The following CYRIB variants were observed in gnomAD, a reference collection of about 807,000 sequenced individuals.
The protein encoded by CYRIB is CYFIP-related Rac1 interactor B.
CYRIB carries 8 observed loss-of-function variants against 44.2 expected under a neutral mutation model. That is an observed-to-expected ratio of 0.18 (90% CI 0.11 to 0.33). The LOEUF (loss-of-function observed/expected upper bound fraction) is 0.33, where lower values mean the gene tolerates loss of function less well. Ranked by LOEUF, CYRIB falls within the 10% of genes least tolerant of loss-of-function variation. The probability of loss-of-function intolerance (pLI) is 1.00; values close to 1 mark genes in which losing one functional copy is unlikely to be tolerated. For synonymous variants in CYRIB, 131 were observed against 127.2 expected, an observed-to-expected ratio of 1.03 and a Z score of -0.20; for missense variants, 185 against 382.8, an observed-to-expected ratio of 0.48 and a Z score of 4.31.
intron 5 of CYRIB, 132 bp from the exon 8 acceptor site, chr8:129,855,879 T>C (rs1177097946): frequency 1.3e-6 from 1 of 778,178 alleles, no homozygotes; most frequent in Non-Finnish European, 2.0e-6. Flanking sequence ...CTAAACATAA[T>C]AAAACTAATT....
chr8:129,977,084 C>T (rs1257539196), intron 1 of CYRIB, among the ~76,000 whole-genome samples: 1 of 152,158 alleles, frequency 6.6e-6, no homozygotes, highest in Non-Finnish European at 1.5e-5. Flanking sequence ...TCAAGTGATC[C>T]ACCCACCTCG....
Position 129,914,073 on chromosome 8 carries a change from A to C in CYRIB, c.-49-10723T>G, listed in dbSNP as rs560321138. On this transcript the variant is annotated intron_variant, in intron 1 of 11. Coordinates refer to ENST00000519824, the Ensembl canonical transcript of CYRIB. ...ACTAGTCACTGCATACCTGTTATTC[A>C]CTAAATGTACAGGCTGCAGAGCAGT... is the stretch of plus-strand genomic sequence containing the variant. Among the ~76,000 whole-genome samples, 10 of 152,298 alleles carry C rather than the reference A, an allele frequency of 6.6e-5. No homozygotes were observed. In the South Asian group the frequency reaches 1.7e-3, roughly 25 times the overall value.
At chr8:129,862,488 T>A (rs1235617795) in intron 4 of CYRIB, among the ~76,000 whole-genome samples, 154 bp from the exon 7 acceptor site, 1 of 152,098 alleles carries the variant, frequency 6.6e-6, no homozygotes, top group Non-Finnish European at 1.5e-5. Context: ...TTTTTTTTTT[T>A]GAGAGAGCGT....
chr8:129,957,607 G>A lies in CYRIB; in HGVS notation c.-243+13336C>T, dbSNP rs543201262. Among the ~76,000 whole-genome samples, 4 of 152,214 alleles carry A rather than the reference G, an allele frequency of 2.6e-5. No homozygotes were observed. In the South Asian group the frequency reaches 8.3e-4, roughly 32 times the overall value. On this transcript the variant is annotated intron_variant, in intron 2 of 14. Transcript: ENST00000401979. Reference sequence around the variant, plus strand: ...GCACTTTGGGAGGTGGAGGTGGGCGGATTACTTGAAGTCAGGTGTTCCAGA... The same window carrying A: ...GCACTTTGGGAGGTGGAGGTGGGCGAATTACTTGAAGTCAGGTGTTCCAGA...
At chr8:129,989,301 T>C (rs2096562866) in intron 1 of CYRIB, among the ~76,000 whole-genome samples, 1 of 152,160 alleles carries the variant, frequency 6.6e-6, no homozygotes, top group African/African-American at 2.4e-5. Context: ...CCGGTAAATA[T>C]GGCCAACACC....
At chr8:129,974,150 T>G (rs1490663047) in intron 1 of CYRIB, among the ~76,000 whole-genome samples, 1 of 152,186 alleles carries the variant, frequency 6.6e-6, no homozygotes, top group Non-Finnish European at 1.5e-5. Flanking sequence ...CACAGCACTC[T>G]GTAGGAGACT....
At chr8:129,899,616 GA>G (rs1210027871) in intron 2 of CYRIB, among the ~76,000 whole-genome samples, 2 of 152,110 alleles carry the variant, frequency 1.3e-5, no homozygotes, top group Non-Finnish European at 2.9e-5. Flanking sequence ...GGATCACAAA[GA>G]AAAGATGTTT....
intron 9 of CYRIB, 51 bp downstream of exon 11, chr8:129,850,784 T>C (rs1483746554): frequency 4.9e-6 from 6 of 1,233,586 alleles, no homozygotes; most frequent in Non-Finnish European, 7.1e-6. Context: ...TTTTGAAATA[T>C]CAGTCATCTC....
At position 129,883,112 on chromosome 8, in the gene CYRIB, C is replaced by CAAAAAAAAAAAAAA. The variant is rs34764499; in HGVS notation, c.-10-3655_-10-3642dup. ...TAGGCAACAGAGCTAGACTCCCTCT[C>CAAAAAAAAAAAAAA]AAAAAAAAAAAAAAAAAAAAAAAAA... On this transcript the variant is annotated intron_variant, in intron 2 of 11. Transcript: ENST00000519824. 9.9e-4 allele frequency among the ~76,000 whole-genome samples: 41 copies of CAAAAAAAAAAAAAA among 41,252 alleles called. 2 individuals are homozygous for CAAAAAAAAAAAAAA. Among genetic ancestry groups the CAAAAAAAAAAAAAA allele is most frequent in the African/African-American group, 3.0e-3 (31 of 10,352 alleles). 27.1% of individuals were successfully genotyped at this position (41,252 alleles called of 152,430 possible).
In CYRIB at chr8:129,957,914, G is replaced by A. The variant is rs189491860; in HGVS notation, c.-243+13029C>T. ...TGGGAGGCAGAGCTTGCAGTGAGCC[G>A]AGATCGCGCCACTGCACTCCAGCCT... On this transcript the variant is annotated intron_variant, in intron 2 of 14. Transcript: ENST00000401979. 2.8e-3 allele frequency among the ~76,000 whole-genome samples: 419 copies of A among 148,052 alleles called. 4 individuals carry two copies. The highest frequency in any genetic ancestry group is 0.01 in the African/African-American group (401 of 39,902).
intron 1 of CYRIB, among the ~76,000 whole-genome samples, chr8:130,013,599 C>T (rs2097275510): frequency 6.6e-6 from 1 of 152,190 alleles, no homozygotes; most frequent in African/African-American, 2.4e-5. Context: ...TCCCAGACCG[C>T]CAAAGCCACA....
intron 1 of CYRIB, among the ~76,000 whole-genome samples, chr8:129,923,239 T>TATCTCAAAAAAAAGAAGAAG (rs140530379): frequency 6.6e-6 from 1 of 150,536 alleles, no homozygotes; most frequent in Non-Finnish European, 1.5e-5. Context: ...GCAAAACTCT[T>TATCTCAAAAAAAAGAAGAAG]AAAAAGAAAA....
At chr8:129,894,239 C>T (rs919248848) in intron 2 of CYRIB, among the ~76,000 whole-genome samples, 9 of 152,196 alleles carry the variant, frequency 5.9e-5, no homozygotes, top group Non-Finnish European at 1.2e-4. Context: ...TGCTAAATTG[C>T]TCTCCCAAGT....
At chr8:129,865,609 TTC>T (rs1168279261) in intron 4 of CYRIB, among the ~76,000 whole-genome samples, 2 of 152,240 alleles carry the variant, frequency 1.3e-5, no homozygotes, top group Non-Finnish European at 2.9e-5. Context: ...CAAGAGGCTT[TTC>T]TTAGGAATGA....
intron 4 of CYRIB, among the ~76,000 whole-genome samples, chr8:129,868,312 T>C (rs1019749580): frequency 6.6e-6 from 1 of 152,238 alleles, no homozygotes; most frequent in African/African-American, 2.4e-5. Context: ...TAGATTTAAA[T>C]GCAGCTTTTC....
intron 8 of CYRIB, 21 bp from the exon 11 acceptor site, chr8:129,850,935 CA>C (rs1587107314): frequency 8.8e-6 from 13 of 1,473,522 alleles, no homozygotes; most frequent in East Asian, 4.5e-5. Context: ...ATATGAAGAA[CA>C]AAAAAAGTAA....
At chr8:129,950,200 G>A (rs1223591842) in intron 2 of CYRIB, among the ~76,000 whole-genome samples, 2 of 152,130 alleles carry the variant, frequency 1.3e-5, no homozygotes, top group Non-Finnish European at 2.9e-5. Context: ...GCAAAGTTGT[G>A]TATGATAGAA....
chr8:130,003,902 T>C (rs752156439), intron 1 of CYRIB, among the ~76,000 whole-genome samples: 3 of 152,178 alleles, frequency 2.0e-5, no homozygotes, highest in Non-Finnish European at 4.4e-5. Flanking sequence ...CCCTTTCAGA[T>C]CAACTCCTGG....
chr8:130,000,279 C>T (rs534487359), intron 1 of CYRIB, among the ~76,000 whole-genome samples: 1 of 152,260 alleles, frequency 6.6e-6, no homozygotes, highest in Admixed American at 6.5e-5. Flanking sequence ...TTTTTCTGGA[C>T]ATTCAATAAA....
Sources: gnomAD v4.1 joint callset for allele counts (sites outside exome capture counted in the v4.1 genomes callset) on GRCh38, gnomAD v4.1.1 for gene constraint, MANE v1.5 for transcripts, NCBI Gene and HGNC (gene_info 2026-07-23, HGNC 2026-07-21) for gene names.